The following CACNA2D4 variants were observed in gnomAD, a reference collection of about 807,000 sequenced individuals.
CACNA2D4 encodes voltage-dependent calcium channel subunit alpha-2/delta-4.
Under a neutral mutation model 163.8 loss-of-function variants are expected in CACNA2D4, and 157 were observed. The observed-to-expected ratio is 0.96, with a 90% CI of 0.84 to 1.09. The LOEUF is 1.09. Among genes scored for constraint, CACNA2D4 ranks in the 50% least tolerant of loss-of-function variants. The pLI is 0.00. For missense variants in CACNA2D4, 1,410 were observed against 1,479.9 expected (o/e 0.95, Z 0.78); for synonymous variants, 598 against 586.9 (o/e 1.02, Z -0.27).
chr12:1,891,181 A>G (rs552990695), intron 6 of CACNA2D4, among the ~76,000 whole-genome samples: 1 of 152,292 alleles, frequency 6.6e-6, no homozygotes, highest in East Asian at 1.9e-4. Context: ...CTGGGACCCA[A>G]GGACATGCAT....
intron 29 of CACNA2D4, among the ~76,000 whole-genome samples, chr12:1,803,733 A>G (rs1863417061): frequency 6.6e-6 from 1 of 152,250 alleles, no homozygotes; most frequent in Non-Finnish European, 1.5e-5. Flanking sequence ...CTATTTCATA[A>G]TACCTTTTAT....
Position 1,907,951 on chromosome 12 carries a change from G to A in CACNA2D4, c.573C>T (p.Ser191=). The change falls in exon 5 of 38, where the codon TCC becomes TCT. Residue 191 remains serine, a synonymous_variant. Coordinates refer to ENST00000382722, the MANE Select transcript of CACNA2D4 (RefSeq NM_172364.5). ...CCGGCAGGTTGCTGAAGTGAGCATT[G>A]GACTCCAGGAGGAACTCGGCGCCCA... is the stretch of plus-strand genomic sequence containing the variant. The part of the protein sequence containing the change: ...VELGAEFLLE[S]NAHFSNLPVN... 6.2e-7 allele frequency: 1 copy of A among 1,614,036 alleles called. No individual in the cohort carries two copies. The highest frequency in any genetic ancestry group is 1.1e-5 in the South Asian group (1 of 91,086).
intron 6 of CACNA2D4, among the ~76,000 whole-genome samples, chr12:1,888,408 C>T (rs999710549): frequency 6.6e-6 from 1 of 152,052 alleles, no homozygotes; most frequent in African/African-American, 2.4e-5. Flanking sequence ...GCAAAGATTC[C>T]CAAATACATA....
intron 18 of CACNA2D4, among the ~76,000 whole-genome samples, chr12:1,872,836 G>C (rs1203662200): frequency 6.6e-6 from 1 of 152,208 alleles, no homozygotes; most frequent in African/African-American, 2.4e-5. Context: ...TGGGGTAGAG[G>C]GAGAGGAGAA....
Position 1,878,259 on chromosome 12 carries a change from A to C in CACNA2D4, c.1719+56T>G, listed in dbSNP as rs372287693. ...TTTGTTGTTTTAATCGTTTTTGTGA[A>C]TTACCCCCAAATCCCATACAGTAAG... is the stretch of plus-strand genomic sequence containing the variant. On this transcript the variant is annotated intron_variant, in intron 16 of 37. Coordinates refer to ENST00000382722, the MANE Select transcript of CACNA2D4 (RefSeq NM_172364.5). The surrounding 1 kb of genome is among the most constrained non-coding windows in gnomAD (Gnocchi z 4.6). 161 of 1,560,238 alleles carry C rather than the reference A, an allele frequency of 1.0e-4. No homozygotes were observed. The highest frequency in any genetic ancestry group is 1.3e-4 in the Non-Finnish European group (148 of 1,149,792).
chr12:1,880,405 G>T (rs1865969285), intron 13 of CACNA2D4, among the ~76,000 whole-genome samples: 1 of 152,242 alleles, frequency 6.6e-6, no homozygotes, highest in African/African-American at 2.4e-5. Context: ...GTGGGCTTCG[G>T]GGCCGTTCCT....
intron 23 of CACNA2D4, 74 bp from the exon 24 acceptor site, chr12:1,846,763 G>T: frequency 8.2e-7 from 1 of 1,225,090 alleles, no homozygotes. Flanking sequence ...GCAGGGGTTT[G>T]GGGGCCTCTC....
At chr12:1,796,968 C>A (rs568780679) in intron 35 of CACNA2D4, among the ~76,000 whole-genome samples, 6 of 152,334 alleles carry the variant, frequency 3.9e-5, no homozygotes, top group African/African-American at 1.2e-4. Flanking sequence ...TCGCACACTT[C>A]CGGCCTTCTC....
chr12:1,817,555 T>C (rs1863917756), intron 26 of CACNA2D4, among the ~76,000 whole-genome samples: 1 of 152,216 alleles, frequency 6.6e-6, no homozygotes, highest in South Asian at 2.1e-4. Flanking sequence ...ACTGTACTGC[T>C]GCCATCTCGG....
At chr12:1,811,861 G>T in intron 26 of CACNA2D4, 138 bp from the exon 27 acceptor site, 1 of 777,338 alleles carries the variant, frequency 1.3e-6, no homozygotes, top group Admixed American at 2.4e-5. Flanking sequence ...GAGTCAGAGG[G>T]CAGAGTGCAA....
chr12:1,907,441 T>C lies in CACNA2D4; in HGVS notation c.780A>G (p.Pro260=), dbSNP rs770074166. 8 of 1,613,792 alleles carry C rather than the reference T, an allele frequency of 5.0e-6. 1 individual carries two copies. The South Asian group carries it at 7.7e-5, about 16-fold the overall frequency. ...GSATGFFRIY[P]GIKWTPDENG... ...GGAGATGCAACTCCATGTCCTTACC[T>C]GGATAGATCCTGAAGAATCCAGTTG... Residue 260 remains proline, a splice_region_variant and synonymous_variant, in exon 6 of 38, where the codon CCA becomes CCG. Transcript: ENST00000382722.
At chr12:1,886,716 G>T (rs1279783651) in intron 7 of CACNA2D4, among the ~76,000 whole-genome samples, 3 of 152,216 alleles carry the variant, frequency 2.0e-5, no homozygotes, top group Non-Finnish European at 4.4e-5. Context: ...CCACAAAAGG[G>T]GTGTGGAAGG....
At chr12:1,887,734 G>A (rs1422505390) in intron 6 of CACNA2D4, among the ~76,000 whole-genome samples, 1 of 152,196 alleles carries the variant, frequency 6.6e-6, no homozygotes, top group Non-Finnish European at 1.5e-5. Context: ...ACACTGACAT[G>A]ATCCACAATA....
Position 1,792,164 on chromosome 12 carries a change from C to T in CACNA2D4, c.*1491G>A, listed in dbSNP as rs1316336524. ...GTTGTGAGGATGGAATGAGCTGAAA[C>T]ATGTTATTTGGTACATGTAAACCTT... On this transcript the variant is annotated 3_prime_UTR_variant, in exon 38 of 38. Transcript: ENST00000382722. The T allele has an allele frequency of 1.3e-5, 2 of 152,182 alleles. No homozygotes were observed. Among genetic ancestry groups the T allele is most frequent in the Non-Finnish European group, 2.9e-5 (2 of 68,036 alleles). The allele number at this position is 152,182 out of a possible 1,614,324, so 9.4% of individuals were successfully genotyped here. A position where few individuals can be genotyped will look rare whatever the true frequency, so the allele number is the denominator to read the frequency against.
At chr12:1,797,322 C>T in intron 35 of CACNA2D4, 96 bp downstream of exon 35, 1 of 889,076 alleles carries the variant, frequency 1.1e-6, no homozygotes, top group Non-Finnish European at 1.8e-6. Flanking sequence ...GGCTGTGGAG[C>T]CGTTTCCCGG....
chr12:1,810,709 T>C, intron 27 of CACNA2D4, 122 bp from the exon 28 acceptor site: 2 of 984,728 alleles, frequency 2.0e-6, no homozygotes, highest in Non-Finnish European at 1.6e-6. Flanking sequence ...ATGGGGTGTG[T>C]ATCTGCACAT....
chr12:1,859,962 G>A (rs1321416784), intron 19 of CACNA2D4, among the ~76,000 whole-genome samples, 183 bp downstream of exon 19: 1 of 152,216 alleles, frequency 6.6e-6, no homozygotes, highest in Non-Finnish European at 1.5e-5. Flanking sequence ...TGGGGTTCAC[G>A]TCCAGGCAGT....
chr12:1,903,350 C>T (rs1473908207), intron 6 of CACNA2D4, among the ~76,000 whole-genome samples: 1 of 151,998 alleles, frequency 6.6e-6, no homozygotes, highest in Non-Finnish European at 1.5e-5. Flanking sequence ...GCAACCAAAG[C>T]AAACATTGAT....
chr12:1,907,949 T>C lies in CACNA2D4; in HGVS notation c.575A>G (p.Asn192Ser), dbSNP rs1315202289. The change falls in exon 5 of 38, where the codon AAT becomes AGT. Residue 192 changes from asparagine (N) to serine (S), a missense_variant. Coordinates refer to ENST00000382722, the MANE Select transcript of CACNA2D4 (RefSeq NM_172364.5). ...CACCGGCAGGTTGCTGAAGTGAGCA[T>C]TGGACTCCAGGAGGAACTCGGCGCC... is the stretch of plus-strand genomic sequence containing the variant. ...ELGAEFLLES[N>S]AHFSNLPVNT... is the part of the protein sequence containing the mutation. The C allele has an allele frequency of 3.1e-6, 5 of 1,614,014 alleles. No individual in the cohort carries two copies. The highest frequency in any genetic ancestry group is 3.4e-6 in the Non-Finnish European group (4 of 1,179,872).
Sources: gnomAD v4.1 joint callset for allele counts (sites outside exome capture counted in the v4.1 genomes callset) on GRCh38, gnomAD v4.1.1 for gene constraint, Gnocchi (gnomAD v3.1) non-coding constraint, MANE v1.5 for transcripts, NCBI Gene and HGNC (gene_info 2026-07-23, HGNC 2026-07-21) for gene names.